The following AKAP6 variants were observed in gnomAD, a reference collection of about 807,000 sequenced individuals.
AKAP6 encodes A-kinase anchoring protein 6.
AKAP6 carries 58 observed loss-of-function variants against 188.5 expected under a neutral mutation model. The ratio of observed to expected loss-of-function variants is 0.31; its 90% CI spans 0.25 to 0.38. AKAP6 has a LOEUF of 0.38. AKAP6 is among the 10% of genes least tolerant of loss of function. AKAP6 has a pLI of 1.00. For synonymous variants in AKAP6, 989 were observed against 998.6 expected (o/e 0.99, Z 0.18); for missense variants, 2,710 against 2,740.0 (o/e 0.99, Z 0.24).
At chr14:32,725,819 A>T (rs75719738) in intron 9 of AKAP6, among the ~76,000 whole-genome samples, 1 of 152,214 alleles carries the variant, frequency 6.6e-6, no homozygotes, top group Non-Finnish European at 1.5e-5. Context: ...TGAATGGTTA[A>T]TAATATGCTC....
chr14:32,404,237 T>A (rs7143994), intron 1 of AKAP6, among the ~76,000 whole-genome samples: 2,590 of 152,268 alleles, frequency 0.017, 74 homozygotes, highest in African/African-American at 0.058. Flanking sequence ...TTGAAGTCAC[T>A]GCTGCCTGGA....
chr14:32,444,017 A>G (rs11620730), intron 2 of AKAP6, among the ~76,000 whole-genome samples: 12,101 of 152,236 alleles, frequency 0.079, 642 homozygotes, highest in South Asian at 0.22. Context: ...AGGTATATAC[A>G]TATTATTGAG....
chr14:32,735,802 G>A lies in AKAP6; in HGVS notation c.3292G>A (p.Glu1098Lys), dbSNP rs1357842145. 6.2e-7 allele frequency: 1 copy of A among 1,613,474 alleles called. No individual in the cohort carries two copies. The highest frequency in any genetic ancestry group is 1.1e-5 in the South Asian group (1 of 91,048). Residue 1098 changes from glutamate (E) to lysine (K), a missense_variant, in exon 11 of 14, where the codon GAG (glutamate) becomes AAG (lysine). Transcript: ENST00000280979. Reference sequence around the variant, plus strand: ...ACTGAAAGGATGGCTAAGAGATACAGAGCTTTTCATCTTCAATTCCTGTCT... The same window carrying A: ...ACTGAAAGGATGGCTAAGAGATACAAAGCTTTTCATCTTCAATTCCTGTCT... ...KELKGWLRDT[E>K]LFIFNSCLRQ...
chr14:32,555,864 T>G (rs764552481), intron 4 of AKAP6, among the ~76,000 whole-genome samples: 4 of 152,194 alleles, frequency 2.6e-5, no homozygotes, highest in African/African-American at 4.8e-5. Flanking sequence ...TCTGGGTTGC[T>G]TCCACCTTTG....
intron 11 of AKAP6, among the ~76,000 whole-genome samples, chr14:32,744,252 G>A (rs1049004984): frequency 3.3e-5 from 5 of 151,512 alleles, no homozygotes; most frequent in African/African-American, 4.8e-5. Flanking sequence ...ATGCCTTGAG[G>A]TAGCCTTCTT....
At chr14:32,357,442 G>A (rs1448002471) in intron 1 of AKAP6, among the ~76,000 whole-genome samples, 1 of 152,174 alleles carries the variant, frequency 6.6e-6, no homozygotes, top group African/African-American at 2.4e-5. Flanking sequence ...TTTGTATGAT[G>A]TTCTTTTCTC....
intron 1 of AKAP6, among the ~76,000 whole-genome samples, chr14:32,366,951 C>T (rs943335843): frequency 4.6e-5 from 7 of 152,022 alleles, no homozygotes; most frequent in South Asian, 2.1e-4. Context: ...ATAAATCAGC[C>T]GATATCCCTC....
chr14:32,505,860 G>C (rs979962976), intron 2 of AKAP6, among the ~76,000 whole-genome samples: 5 of 152,074 alleles, frequency 3.3e-5, no homozygotes, highest in Admixed American at 6.5e-5. Context: ...TTCTTTGAAA[G>C]TCTTACATGG....
intron 1 of AKAP6, among the ~76,000 whole-genome samples, chr14:32,424,586 T>G (rs1233083102): frequency 6.6e-6 from 1 of 152,178 alleles, no homozygotes; most frequent in Non-Finnish European, 1.5e-5. Context: ...GTTGTACAGA[T>G]TATTTCATCA....
At chr14:32,375,135 G>A (rs1888120194) in intron 1 of AKAP6, among the ~76,000 whole-genome samples, 1 of 152,204 alleles carries the variant, frequency 6.6e-6, no homozygotes, top group Non-Finnish European at 1.5e-5. Flanking sequence ...AATGGAATCA[G>A]TGGATCAGTT....
chr14:32,821,821 G>A lies in AKAP6; in HGVS notation c.4008G>A (p.Leu1336=). 1 of 1,613,780 alleles carries A rather than the reference G, an allele frequency of 6.2e-7. No individual in the cohort carries two copies. The highest frequency in any genetic ancestry group is 8.5e-7 in the Non-Finnish European group (1 of 1,179,930). Residue 1336 remains leucine, a synonymous_variant, in exon 13 of 14, where the codon TTG becomes TTA. Transcript: ENST00000280979. ...KDSSFSSTKS[L]PDLLGGSNLV... ...CTTCATTTTCATCTACCAAATCTTT[G>A]CCAGATCTTCTAGGTGGTTCCAATT...
intron 1 of AKAP6, among the ~76,000 whole-genome samples, chr14:32,351,189 T>G (rs915416627): frequency 6.6e-6 from 1 of 152,232 alleles, no homozygotes; most frequent in Non-Finnish European, 1.5e-5. Flanking sequence ...TTATAGACAT[T>G]AAATAGTTTT....
At chr14:32,654,667 A>G (rs1888376582) in intron 7 of AKAP6, among the ~76,000 whole-genome samples, 2 of 150,228 alleles carry the variant, frequency 1.3e-5, no homozygotes, top group South Asian at 2.2e-4. Context: ...CAACGTGGCA[A>G]GACCTTGTCT....
At chr14:32,750,503 C>G (rs2383375) in intron 11 of AKAP6, among the ~76,000 whole-genome samples, 3 of 151,496 alleles carry the variant, frequency 2.0e-5, no homozygotes, top group Non-Finnish European at 4.4e-5. Context: ...AGTAGGATCA[C>G]TTGACGTCAG....
chr14:32,624,641 T>A (rs1463718564), intron 7 of AKAP6, among the ~76,000 whole-genome samples: 1 of 152,032 alleles, frequency 6.6e-6, no homozygotes, highest in Non-Finnish European at 1.5e-5. Flanking sequence ...CAGAGAAATA[T>A]AAGAAAACAT....
intron 8 of AKAP6, among the ~76,000 whole-genome samples, chr14:32,678,896 T>C (rs561792613): frequency 2.8e-4 from 42 of 152,298 alleles, no homozygotes; most frequent in African/African-American, 9.1e-4. Flanking sequence ...ATTTAATAAT[T>C]GTTTAGAGAC....
chr14:32,560,113 C>G (rs1462712604), intron 4 of AKAP6, among the ~76,000 whole-genome samples: 1 of 152,014 alleles, frequency 6.6e-6, no homozygotes, highest in Non-Finnish European at 1.5e-5. Flanking sequence ...CATACATAAA[C>G]TTAAGATACA....
Position 32,462,337 on chromosome 14 carries a change from C to T in AKAP6, c.324+28520C>T, listed in dbSNP as rs982886673. On this transcript the variant is annotated intron_variant, in intron 2 of 13. Transcript: ENST00000280979. The stretch of plus-strand genomic sequence containing the variant: ...ATTAAGGGTAGCCAGAGAGAAAGGT[C>T]AGGTTACCTACAAAGGGAAGCTCAT... Among the ~76,000 whole-genome samples, 4 of 152,204 alleles carry T rather than the reference C, an allele frequency of 2.6e-5. No individual in the cohort carries two copies. In the East Asian group the frequency reaches 7.7e-4, roughly 29 times the overall value.
In AKAP6 at chr14:32,546,094, A is replaced by G; in HGVS notation, c.1441A>G (p.Ser481Gly). ...VKFHIKEISS[S>G]LGRLNDCYKE... Reference sequence around the variant, plus strand: ...ATTTCACATTAAAGAAATTTCTTCCAGCCTGGGAAGGCTTAACGACTGCTA... The same window carrying G: ...ATTTCACATTAAAGAAATTTCTTCCGGCCTGGGAAGGCTTAACGACTGCTA... The change falls in exon 4 of 14, where the codon AGC (serine) becomes GGC (glycine). Residue 481 changes from serine to glycine, a missense_variant. Ser to Gly is a moderately conservative substitution (Grantham distance 56). Coordinates refer to ENST00000280979, the MANE Select transcript of AKAP6 (RefSeq NM_004274.5). 6.2e-7 allele frequency: 1 copy of G among 1,614,218 alleles called. No homozygotes were observed. Among genetic ancestry groups the G allele is most frequent in the Non-Finnish European group, 8.5e-7 (1 of 1,180,022 alleles).
Sources: allele counts gnomAD v4.1 joint callset (sites outside exome capture counted in the v4.1 genomes callset), GRCh38; gene constraint gnomAD v4.1.1; transcripts MANE v1.5; gene names NCBI Gene and HGNC (gene_info 2026-07-23, HGNC 2026-07-21).